Variants in GRM7 observed in about 807,000 individuals in gnomAD.
GRM7 encodes glutamate metabotropic receptor 7, also known as metabotropic glutamate receptor 7.
GRM7 carries 35 observed loss-of-function variants against 84.5 expected under a neutral mutation model. The observed-to-expected ratio is 0.41, with a 90% CI of 0.32 to 0.55. The LOEUF is 0.55. Among genes scored for constraint, GRM7 ranks in the 20% least tolerant of loss-of-function variants. The pLI is 0.19. For missense variants in GRM7, 1,003 were observed against 1,194.6 expected (o/e 0.84, Z 2.36); for synonymous variants, 487 against 455.1 (o/e 1.07, Z -0.89).
rs142341564 is a variant in GRM7 at position 6,985,994 on chromosome 3, A to G, written c.519+124087A>G. On this transcript the variant is annotated intron_variant, in intron 1 of 9. Transcript: ENST00000357716. ...CAAGTGTGAGGTGACAGCTCATTGT[A>G]GTTTTGATTTGCCTTTTCCTGGTGA... Among the ~76,000 whole-genome samples the G allele has an allele frequency of 3.9e-5, 6 of 152,298 alleles. No individual in the cohort carries two copies. In the East Asian group the frequency reaches 5.8e-4, roughly 15 times the overall value.
chr3:7,118,775 A>G (rs888417193), intron 1 of GRM7, among the ~76,000 whole-genome samples: 3 of 152,000 alleles, frequency 2.0e-5, no homozygotes, highest in Non-Finnish European at 2.9e-5. Flanking sequence ...GTCTTTTTAG[A>G]TCTGAAAATA....
intron 7 of GRM7, among the ~76,000 whole-genome samples, chr3:7,523,957 G>C (rs936454293): frequency 6.6e-6 from 1 of 152,050 alleles, no homozygotes; most frequent in African/African-American, 2.4e-5. Context: ...GCTTTTTCAA[G>C]GTAATAAGCT....
Position 7,297,829 on chromosome 3 carries a change from C to T in GRM7, c.737-855C>T, listed in dbSNP as rs116452966. Among the ~76,000 whole-genome samples, 693 of 152,226 alleles carry T rather than the reference C, an allele frequency of 4.6e-3. 3 individuals are homozygous for T. Among genetic ancestry groups the T allele is most frequent in the African/African-American group, 0.013 (531 of 41,544 alleles). On this transcript the variant is annotated intron_variant, in intron 2 of 9. Transcript: ENST00000357716. Reference sequence around the variant, plus strand: ...CAAATATTTCCTCTACCCTTTTCATCGATGCTGGCTTTTAAGTGTGTTTCA... The same window carrying T: ...CAAATATTTCCTCTACCCTTTTCATTGATGCTGGCTTTTAAGTGTGTTTCA...
intron 8 of GRM7, among the ~76,000 whole-genome samples, chr3:7,620,734 T>C (rs1697319316): frequency 6.6e-6 from 1 of 152,162 alleles, no homozygotes; most frequent in African/African-American, 2.4e-5. Context: ...GTACAGAAAT[T>C]GCTTTAAAAT....
chr3:6,886,109 G>GT (rs61226053), intron 1 of GRM7, among the ~76,000 whole-genome samples: 1 of 151,678 alleles, frequency 6.6e-6, no homozygotes, highest in Admixed American at 6.6e-5. Flanking sequence ...GTGTGTGTGT[G>GT]GGTGTGTGTG....
intron 2 of GRM7, among the ~76,000 whole-genome samples, chr3:7,153,727 G>A (rs888516372): frequency 6.6e-6 from 1 of 151,974 alleles, no homozygotes; most frequent in Non-Finnish European, 1.5e-5. Flanking sequence ...GTATCTGAAT[G>A]GTAGGTACTA....
At chr3:7,423,774 TC>T (rs1349217126) in intron 5 of GRM7, among the ~76,000 whole-genome samples, 1 of 152,092 alleles carries the variant, frequency 6.6e-6, no homozygotes, top group African/African-American at 2.4e-5. Flanking sequence ...TATATATATC[TC>T]CAGATAAAAA....
At chr3:6,925,696 T>C (rs1697273892) in intron 1 of GRM7, among the ~76,000 whole-genome samples, 1 of 152,178 alleles carries the variant, frequency 6.6e-6, no homozygotes, top group South Asian at 2.1e-4. Flanking sequence ...ATGATTTAAC[T>C]CATCCTGTAT....
rs184887581 is a variant in GRM7, at chr3:7,679,735, A to G, written c.2452-314A>G. Among the ~76,000 whole-genome samples, 52 of 152,306 alleles carry G rather than the reference A, an allele frequency of 3.4e-4. No homozygotes were observed. The East Asian group carries it at 8.9e-3, about 26-fold the overall frequency. On this transcript the variant is annotated intron_variant, in intron 8 of 9. Transcript: ENST00000357716. ...AAGATTACAGATTTCTATGGTCTTC[A>G]TGTCTTTATATTTAGCTGCCACTTC...
intron 1 of GRM7, among the ~76,000 whole-genome samples, chr3:7,113,969 T>A (rs1692946091): frequency 6.6e-6 from 1 of 152,212 alleles, no homozygotes; most frequent in Admixed American, 6.5e-5. Flanking sequence ...GACACGGGAC[T>A]TCAATGACAG....
At chr3:6,988,089 T>C in intron 1 of GRM7, among the ~76,000 whole-genome samples, 1 of 147,326 alleles carries the variant, frequency 6.8e-6, no homozygotes, top group East Asian at 2.0e-4. Flanking sequence ...CTCCGCCTCC[T>C]GGGTTCACGC....
chr3:7,290,787 G>T (rs940081832), intron 2 of GRM7, among the ~76,000 whole-genome samples: 1 of 152,052 alleles, frequency 6.6e-6, no homozygotes, highest in African/African-American at 2.4e-5. Flanking sequence ...ACTTCTGGGG[G>T]TGTTCATCTG....
chr3:7,247,401 A>G (rs1238000015), intron 2 of GRM7, among the ~76,000 whole-genome samples: 1 of 151,884 alleles, frequency 6.6e-6, no homozygotes, highest in Non-Finnish European at 1.5e-5. Context: ...TGAGACCCCT[A>G]TCTCTACAAA....
intron 1 of GRM7, among the ~76,000 whole-genome samples, chr3:6,954,536 G>A (rs1692944314): frequency 6.6e-6 from 1 of 152,102 alleles, no homozygotes; most frequent in Non-Finnish European, 1.5e-5. Context: ...TCACCACCCA[G>A]AAAGAGGCAG....
chr3:7,645,567 A>AAG (rs1553630743), intron 8 of GRM7, among the ~76,000 whole-genome samples: 35 of 148,862 alleles, frequency 2.4e-4, no homozygotes, highest in African/African-American at 8.2e-4. Context: ...AAAAAAAAAA[A>AAG]AAAAGAAAAG....
At chr3:6,900,674 GAGA>G (rs780802964) in intron 1 of GRM7, among the ~76,000 whole-genome samples, 7 of 152,166 alleles carry the variant, frequency 4.6e-5, no homozygotes, top group Non-Finnish European at 1.0e-4. Flanking sequence ...GGCTGAAAGA[GAGA>G]AGAAGCTTAT....
intron 4 of GRM7, among the ~76,000 whole-genome samples, chr3:7,409,721 C>T (rs1329014139): frequency 6.6e-6 from 1 of 152,124 alleles, no homozygotes; most frequent in Non-Finnish European, 1.5e-5. Context: ...CTGCCTCAGC[C>T]TCCCAAGTAG....
At chr3:7,541,157 A>C (rs1350108564) in intron 7 of GRM7, among the ~76,000 whole-genome samples, 1 of 152,168 alleles carries the variant, frequency 6.6e-6, no homozygotes, top group Non-Finnish European at 1.5e-5. Flanking sequence ...AACCTTTATC[A>C]TGCTTCATTT....
chr3:7,395,635 G>T (rs1261440769), intron 4 of GRM7, among the ~76,000 whole-genome samples: 1 of 152,144 alleles, frequency 6.6e-6, no homozygotes, highest in Non-Finnish European at 1.5e-5. Flanking sequence ...CAAAAGATCT[G>T]ATGGTTTTAT....
Sources: gnomAD v4.1 joint callset for allele counts (sites outside exome capture counted in the v4.1 genomes callset) on GRCh38, gnomAD v4.1.1 for gene constraint, MANE v1.5 for transcripts, NCBI Gene and HGNC (gene_info 2026-07-23, HGNC 2026-07-21) for gene names.